The following CEP112 variants were observed in gnomAD, a reference collection of about 807,000 sequenced individuals.
CEP112 encodes centrosomal protein 112, also known as centrosomal protein of 112 kDa.
In CEP112, 127 loss-of-function variants were observed where a neutral mutation model predicts 153.0. The observed-to-expected ratio is 0.83, with a 90% confidence interval of 0.72 to 0.96. CEP112 has a LOEUF of 0.96. Ranked by LOEUF, CEP112 falls within the 40% of genes least tolerant of loss-of-function variation. CEP112 has a pLI of 0.00. For synonymous variants in CEP112, 358 were observed against 374.4 expected (o/e 0.96, Z 0.51); for missense variants, 1,089 against 1,101.2 (o/e 0.99, Z 0.16).
intron 6 of CEP112, among the ~76,000 whole-genome samples, chr17:66,110,108 C>T (rs2068960365): frequency 1.3e-5 from 2 of 151,840 alleles, no homozygotes; most frequent in African/African-American, 4.8e-5. Flanking sequence ...TGCAGTGAGC[C>T]AAGATTGTGC....
chr17:65,640,464 C>G (rs890198968), intron 25 of CEP112, among the ~76,000 whole-genome samples: 2 of 152,146 alleles, frequency 1.3e-5, no homozygotes, highest in Non-Finnish European at 2.9e-5. Context: ...AAGAACCACA[C>G]ATTTCAACAA....
chr17:65,955,155 C>G (rs1287135450), intron 18 of CEP112, among the ~76,000 whole-genome samples: 1 of 152,190 alleles, frequency 6.6e-6, no homozygotes, highest in African/African-American at 2.4e-5. Context: ...ATCAAATTAA[C>G]AGCAGACTTC....
chr17:65,877,173 C>T (rs2058861086), intron 20 of CEP112, among the ~76,000 whole-genome samples: 1 of 152,206 alleles, frequency 6.6e-6, no homozygotes, highest in Non-Finnish European at 1.5e-5. Context: ...AAATCTAATC[C>T]AGTTTTCCCA....
At chr17:65,892,141 G>C (rs1482169431) in intron 20 of CEP112, among the ~76,000 whole-genome samples, 1 of 152,146 alleles carries the variant, frequency 6.6e-6, no homozygotes, top group African/African-American at 2.4e-5. Context: ...TACAACTCTG[G>C]GGCAACATTC....
At chr17:66,010,296 T>G (rs2064461807) in intron 16 of CEP112, among the ~76,000 whole-genome samples, 1 of 152,196 alleles carries the variant, frequency 6.6e-6, no homozygotes. Context: ...TAGTGATTTT[T>G]GTACATTGAT....
At chr17:65,756,449 C>T (rs975579729) in intron 21 of CEP112, among the ~76,000 whole-genome samples, 23 of 135,222 alleles carry the variant, frequency 1.7e-4, no homozygotes, top group African/African-American at 6.4e-4. Context: ...CAGGATAATA[C>T]GGAATCTTGA....
intron 21 of CEP112, among the ~76,000 whole-genome samples, chr17:65,841,193 G>C (rs988516358): frequency 1.3e-5 from 2 of 151,612 alleles, no homozygotes; most frequent in Admixed American, 6.6e-5. Context: ...AGAGAGATCT[G>C]CACTCCCATG....
rs76366325 is a variant in CEP112, at chr17:66,142,047, C to T, written c.471-9284G>A. 2.4e-3 allele frequency among the ~76,000 whole-genome samples: 358 copies of T among 152,258 alleles called. 1 individual carries two copies. The highest frequency in any genetic ancestry group is 8.3e-3 in the African/African-American group (345 of 41,550). On this transcript the variant is annotated intron_variant, in intron 4 of 26. Coordinates refer to ENST00000535342, the MANE Select transcript of CEP112 (RefSeq NM_001199165.4). Reference sequence around the variant, plus strand: ...CCAAATCCTGGACAACACTTGATATCTTTTGTCTTTTTGATAATAGTCATT... The same window carrying T: ...CCAAATCCTGGACAACACTTGATATTTTTTGTCTTTTTGATAATAGTCATT...
At chr17:65,909,488 A>G (rs748017462) in intron 19 of CEP112, among the ~76,000 whole-genome samples, 1 of 152,180 alleles carries the variant, frequency 6.6e-6, no homozygotes, top group Non-Finnish European at 1.5e-5. Flanking sequence ...TACAATGTTA[A>G]TCTTAATCTA....
At chr17:66,044,725 T>C (rs1171042169) in intron 12 of CEP112, among the ~76,000 whole-genome samples, 1 of 152,210 alleles carries the variant, frequency 6.6e-6, no homozygotes, top group Non-Finnish European at 1.5e-5. Flanking sequence ...AATTATTGTT[T>C]ACTGGGTACA....
chr17:66,124,154 A>G (rs534315800), intron 6 of CEP112, among the ~76,000 whole-genome samples: 1 of 152,278 alleles, frequency 6.6e-6, no homozygotes, highest in African/African-American at 2.4e-5. Context: ...CTATGAGGCT[A>G]TGATTTGGGG....
chr17:65,670,152 G>T (rs984246009), intron 24 of CEP112, among the ~76,000 whole-genome samples: 2 of 150,744 alleles, frequency 1.3e-5, no homozygotes, highest in Non-Finnish European at 3.0e-5. Context: ...GTTCTTTGAG[G>T]TTTTTTTGTT....
At chr17:66,053,625 T>A in intron 12 of CEP112, 111 bp downstream of exon 12, 1 of 1,127,704 alleles carries the variant, frequency 8.9e-7, no homozygotes, top group Non-Finnish European at 1.2e-6. Context: ...AAAGTTTTTC[T>A]TTTGATTCTG....
chr17:66,031,896 G>A (rs968296563), intron 12 of CEP112, among the ~76,000 whole-genome samples: 4 of 152,168 alleles, frequency 2.6e-5, no homozygotes, highest in Non-Finnish European at 4.4e-5. Context: ...GATGGGGCAA[G>A]GAAACAAAGG....
chr17:65,901,996 G>GGC (rs2059877069), intron 20 of CEP112, among the ~76,000 whole-genome samples, 156 bp downstream of exon 20: 1 of 48,488 alleles, frequency 2.1e-5, no homozygotes, highest in African/African-American at 6.7e-5. Context: ...GGGGGGGGGG[G>GGC]GGTGGGGGGG....
chr17:65,922,885 A>G (rs1387363357), intron 19 of CEP112, among the ~76,000 whole-genome samples: 2 of 152,216 alleles, frequency 1.3e-5, no homozygotes, highest in African/African-American at 4.8e-5. Flanking sequence ...ACATTTGATT[A>G]TTACCTCTGT....
intron 18 of CEP112, among the ~76,000 whole-genome samples, chr17:65,938,791 A>G (rs1423967298): frequency 6.6e-6 from 1 of 152,006 alleles, no homozygotes; most frequent in Non-Finnish European, 1.5e-5. Context: ...GTGTTTCTAT[A>G]CAATAGTAAC....
intron 23 of CEP112, among the ~76,000 whole-genome samples, chr17:65,717,302 G>A (rs1220797279): frequency 6.6e-6 from 1 of 152,118 alleles, no homozygotes; most frequent in East Asian, 1.9e-4. Flanking sequence ...TAGATGGGCG[G>A]TATTCAGCAC....
chr17:65,951,420 T>C (rs1159665097), intron 18 of CEP112, among the ~76,000 whole-genome samples: 5 of 152,206 alleles, frequency 3.3e-5, no homozygotes, highest in Admixed American at 2.0e-4. Flanking sequence ...ATATTTCAAT[T>C]CAGATTTTCT....
Sources: gnomAD v4.1 joint callset for allele counts (sites outside exome capture counted in the v4.1 genomes callset) on GRCh38, gnomAD v4.1.1 for gene constraint, MANE v1.5 for transcripts, NCBI Gene and HGNC (gene_info 2026-07-23, HGNC 2026-07-21) for gene names.